Variants in RSPO4 observed in about 807,000 individuals in gnomAD.
RSPO4 encodes the protein R-spondin 4.
RSPO4 carries 23 observed loss-of-function variants against 24.8 expected under a neutral mutation model. The ratio of observed to expected loss-of-function variants is 0.93; its 90% confidence interval spans 0.67 to 1.31. RSPO4 has a LOEUF of 1.31. RSPO4 is among the 40% of genes most tolerant of loss of function. RSPO4 has a pLI of 0.00. For missense variants in RSPO4, 333 were observed against 316.5 expected (o/e 1.05, Z -0.39); for synonymous variants, 141 against 127.4 (o/e 1.11, Z -0.72).
chr20:962,070 C>T (rs575013325), intron 4 of RSPO4, among the ~76,000 whole-genome samples: 3 of 152,278 alleles, frequency 2.0e-5, no homozygotes, highest in South Asian at 2.1e-4. Flanking sequence ...AACTGGATAC[C>T]GACTATGTGC....
intron 4 of RSPO4, 32 bp downstream of exon 4, chr20:963,903 C>A (rs771292760): frequency 6.2e-7 from 1 of 1,610,102 alleles, no homozygotes; most frequent in South Asian, 1.1e-5. Context: ...GCCTTTCCCA[C>A]CGCAGCCTCG....
In RSPO4 at chr20:970,843, GTTTGT is replaced by G. The variant is rs1003167786; in HGVS notation, c.80-2710_80-2706del. ...TCTTTTTGTGTTAAAAAGTTTTTTT[GTTTGT>G]TTTGTTTTGTTAAGACAGGATCTTG... On this transcript the variant is annotated intron_variant, in intron 1 of 4. Transcript: ENST00000217260. The surrounding 1 kb of genome is among the most constrained non-coding windows in gnomAD (Gnocchi z 4.1). Among the ~76,000 whole-genome samples, 1 of 152,004 alleles carries G rather than the reference GTTTGT, an allele frequency of 6.6e-6. No homozygotes were observed. The highest frequency in any genetic ancestry group is 2.4e-5 in the African/African-American group (1 of 41,374).
At chr20:976,260 G>T (rs746584736) in intron 1 of RSPO4, among the ~76,000 whole-genome samples, 10 of 152,172 alleles carry the variant, frequency 6.6e-5, no homozygotes, top group Non-Finnish European at 1.5e-4. Flanking sequence ...ACCAACATCT[G>T]GACCCTTGTC....
rs1600084892 is a variant in RSPO4, at chr20:958,870, C to T, written c.*1487G>A. 1.3e-5 allele frequency: 2 copies of T among 152,478 alleles called. No individual in the cohort carries two copies. The highest frequency in any genetic ancestry group is 2.1e-4 in the South Asian group (1 of 4,830). 9.4% of individuals were successfully genotyped at this position (152,478 alleles called of 1,614,324 possible). On this transcript the variant is annotated 3_prime_UTR_variant, in exon 5 of 5. Transcript: ENST00000217260. ...GTCACGGAGCCCTACGTGTTCAGGCCAACCAGTCACGGCAAATACAAATCC... is the reference window on the plus strand; with the variant it reads ...GTCACGGAGCCCTACGTGTTCAGGCTAACCAGTCACGGCAAATACAAATCC...
intron 4 of RSPO4, among the ~76,000 whole-genome samples, chr20:962,378 G>A (rs1259541857): frequency 6.6e-6 from 1 of 152,184 alleles, no homozygotes; most frequent in East Asian, 1.9e-4. Context: ...ACAGCACTAA[G>A]CACAGCCAGC....
intron 3 of RSPO4, among the ~76,000 whole-genome samples, chr20:965,654 C>T (rs114442345): frequency 4.6e-5 from 7 of 152,214 alleles, no homozygotes; most frequent in South Asian, 4.2e-4. Context: ...GGGAAGAGGG[C>T]GGCACAGAGG....
intron 1 of RSPO4, among the ~76,000 whole-genome samples, chr20:974,017 C>T (rs1183288285): frequency 6.6e-6 from 1 of 152,168 alleles, no homozygotes; most frequent in Non-Finnish European, 1.5e-5. Flanking sequence ...CCTCTCTCTA[C>T]CCCCTGCCCT....
chr20:977,848 C>A (rs1343665871), intron 1 of RSPO4, among the ~76,000 whole-genome samples: 2 of 152,122 alleles, frequency 1.3e-5, no homozygotes, highest in East Asian at 3.8e-4. Context: ...CAGTGCTGGG[C>A]AGCGCATCCT....
chr20:985,258 TATCC>T (rs1984882057), intron 1 of RSPO4, among the ~76,000 whole-genome samples: 1 of 98,622 alleles, frequency 1.0e-5, no homozygotes, highest in African/African-American at 6.8e-5. Flanking sequence ...CCCACCCATC[TATCC>T]ATCCATCCAC....
Position 981,773 on chromosome 20 carries a change from C to G in RSPO4, c.80-13635G>C, listed in dbSNP as rs4816124. On this transcript the variant is annotated intron_variant, in intron 1 of 4. Coordinates refer to ENST00000217260, the MANE Select transcript of RSPO4 (RefSeq NM_001029871.4). The surrounding 1 kb of genome is among the most constrained non-coding windows in gnomAD (Gnocchi z 4.6). ...TGTCTAAAGGATCTGCCTGTCCCCA[C>G]ATTAAAGCATAGAGAAGGCCTGAGC... is the stretch of plus-strand genomic sequence containing the variant. 0.15 allele frequency among the ~76,000 whole-genome samples: 23,468 copies of G among 152,090 alleles called. 4,329 individuals carry two copies. The highest frequency in any genetic ancestry group is 0.45 in the African/African-American group (18,624 of 41,428).
intron 1 of RSPO4, among the ~76,000 whole-genome samples, chr20:992,891 G>A (rs941651376): frequency 3.3e-5 from 5 of 152,172 alleles, no homozygotes; most frequent in Non-Finnish European, 5.9e-5. Context: ...GAGATGACCT[G>A]CCCAAGGTCA....
chr20:971,309 A>T (rs12625887), intron 1 of RSPO4, among the ~76,000 whole-genome samples: 17,137 of 152,306 alleles, frequency 0.11, 1,656 homozygotes, highest in African/African-American at 0.25. Context: ...TTGTATTTCT[A>T]ACAGGTTCCC....
intron 1 of RSPO4, among the ~76,000 whole-genome samples, chr20:987,217 C>A (rs1984950342): frequency 6.6e-6 from 1 of 152,318 alleles, no homozygotes; most frequent in East Asian, 1.9e-4. Flanking sequence ...CAGCCTGGCC[C>A]CTGGCCCCTG....
chr20:990,420 C>T (rs79193516), intron 1 of RSPO4, among the ~76,000 whole-genome samples: 6,156 of 152,158 alleles, frequency 0.04, 222 homozygotes, highest in Middle Eastern at 0.12. Context: ...ACAAACATCC[C>T]AAGTGTATGT....
At position 963,959 on chromosome 20, in the gene RSPO4, G is replaced by C; in HGVS notation, c.571C>G (p.Pro191Ala). Residue 191 changes from proline to alanine, a missense_variant, in exon 4 of 5, where the codon CCC (proline) becomes GCC (alanine). Transcript: ENST00000217260. The stretch of plus-strand genomic sequence containing the variant: ...CCTCCTGGGCAGGGCCTCTGGATGG[G>C]ACATTTCCTTGACTCAGAAAGCACC... ...CQVLSESRKCPIQRPCPGERS... is the reference protein window; with the variant it reads ...CQVLSESRKCAIQRPCPGERS... The C allele has an allele frequency of 6.2e-7, 1 of 1,614,042 alleles. No individual in the cohort carries two copies. The highest frequency in any genetic ancestry group is 8.5e-7 in the Non-Finnish European group (1 of 1,180,044).
At chr20:996,834 C>A (rs73604104) in intron 1 of RSPO4, among the ~76,000 whole-genome samples, 2 of 151,278 alleles carry the variant, frequency 1.3e-5, no homozygotes, top group East Asian at 3.9e-4. Flanking sequence ...GCCACGCAGT[C>A]CCTTGTCCCC....
At chr20:1,001,445 C>G (rs183860598) in intron 1 of RSPO4, among the ~76,000 whole-genome samples, 451 of 152,326 alleles carry the variant, frequency 3.0e-3, no homozygotes, top group African/African-American at 0.011. Context: ...TAATCTGAAC[C>G]TTGGCTCATC....
intron 1 of RSPO4, among the ~76,000 whole-genome samples, chr20:984,619 G>A (rs759652040): frequency 6.6e-6 from 1 of 152,166 alleles, no homozygotes; most frequent in Non-Finnish European, 1.5e-5. Context: ...AATCACACCT[G>A]GCACAAAGTG....
At chr20:993,876 A>C (rs1180793068) in intron 1 of RSPO4, among the ~76,000 whole-genome samples, 1 of 152,202 alleles carries the variant, frequency 6.6e-6, no homozygotes, top group Non-Finnish European at 1.5e-5. Context: ...GGATGAAATA[A>C]GGCTGGGAGG....
Sources: allele counts gnomAD v4.1 joint callset (sites outside exome capture counted in the v4.1 genomes callset), GRCh38; gene constraint gnomAD v4.1.1; non-coding constraint Gnocchi (gnomAD v3.1); transcripts MANE v1.5; gene names NCBI Gene and HGNC (gene_info 2026-07-23, HGNC 2026-07-21).